Variants in NUSAP1 observed in about 807,000 individuals in gnomAD.
NUSAP1 encodes nucleolar and spindle associated protein 1.
In NUSAP1, 32 loss-of-function variants were observed where a neutral mutation model predicts 52.8. That is an observed-to-expected ratio of 0.61 (90% CI 0.46 to 0.81). The LOEUF (loss-of-function observed/expected upper bound fraction) is 0.81, where lower values mean the gene tolerates loss of function less well. NUSAP1 is among the 40% of genes least tolerant of loss of function. NUSAP1 has a pLI of 0.00. For missense variants in NUSAP1, 499 were observed against 522.3 expected, an observed-to-expected ratio of 0.96 and a Z score of 0.43; for synonymous variants, 195 against 183.1, an observed-to-expected ratio of 1.06 and a Z score of -0.52.
At chr15:41,354,662 T>C (rs946419054) in intron 4 of NUSAP1, among the ~76,000 whole-genome samples, 1 of 110,960 alleles carries the variant, frequency 9.0e-6, no homozygotes, top group Non-Finnish European at 1.7e-5. Flanking sequence ...AAAAAGTTTG[T>C]TTTAACCGAT....
chr15:41,347,798 A>C (rs2048631355), intron 2 of NUSAP1, among the ~76,000 whole-genome samples: 1 of 147,174 alleles, frequency 6.8e-6, no homozygotes, highest in African/African-American at 2.6e-5. Context: ...TGGGCAACAG[A>C]GTGAGACTCC....
chr15:41,355,486 T>G (rs545796642), intron 4 of NUSAP1, among the ~76,000 whole-genome samples: 6 of 151,410 alleles, frequency 4.0e-5, no homozygotes, highest in African/African-American at 1.5e-4. Flanking sequence ...CTTTCTAATA[T>G]GTTTATATAA....
rs766467589 is a variant in NUSAP1, at chr15:41,356,051, C to G, written c.461C>G (p.Ser154Ter). 19 of 1,597,878 alleles carry G rather than the reference C, an allele frequency of 1.2e-5. No homozygotes were observed. The highest frequency in any genetic ancestry group is 1.4e-5 in the Non-Finnish European group (16 of 1,168,570). The change falls in exon 5 of 11, where the codon TCA (serine) becomes TGA (stop). Residue 154 changes from serine (S) to a stop codon, truncating the protein, a stop_gained. Transcript: ENST00000559596. LOFTEE classifies it high-confidence loss of function. Reference sequence around the variant, plus strand: ...TCTTTGGATTTAGGTAACAGAGATTCAAAGGTACCTTCAGAAGGAAAGAAA... The same window carrying G: ...TCTTTGGATTTAGGTAACAGAGATTGAAAGGTACCTTCAGAAGGAAAGAAA... ...ENAVSSGNRD[S>*]KVPSEGKKSL...
intron 7 of NUSAP1, 91 bp downstream of exon 7, chr15:41,365,680 C>A: frequency 1.1e-6 from 1 of 878,138 alleles, no homozygotes; most frequent in Non-Finnish European, 1.7e-6. Flanking sequence ...AATATTCGTA[C>A]ATACTCATAG....
At chr15:41,347,818 A>AG (rs1400809064) in intron 2 of NUSAP1, among the ~76,000 whole-genome samples, 2 of 151,632 alleles carry the variant, frequency 1.3e-5, no homozygotes, top group Non-Finnish European at 2.9e-5. Flanking sequence ...CGTCTCAAAA[A>AG]AAAAAAAAAA....
chr15:41,369,869 C>T (rs1370687239), intron 7 of NUSAP1, among the ~76,000 whole-genome samples: 1 of 151,290 alleles, frequency 6.6e-6, no homozygotes, highest in African/African-American at 2.4e-5. Context: ...AGTTCAAGAC[C>T]AGCCTGGCCA....
At chr15:41,367,992 G>A (rs2049490942) in intron 7 of NUSAP1, among the ~76,000 whole-genome samples, 2 of 152,174 alleles carry the variant, frequency 1.3e-5, no homozygotes, top group South Asian at 2.1e-4. Flanking sequence ...GGAGGCTGAG[G>A]CAGGAGGATC....
chr15:41,350,912 A>C, intron 3 of NUSAP1, 76 bp from the exon 4 acceptor site: 1 of 1,282,246 alleles, frequency 7.8e-7, no homozygotes, highest in South Asian at 1.5e-5. Flanking sequence ...TTTCCCCCTC[A>C]CTTTGGTACT....
chr15:41,357,538 G>A (rs887879353), intron 5 of NUSAP1, among the ~76,000 whole-genome samples: 79 of 151,814 alleles, frequency 5.2e-4, no homozygotes, highest in Non-Finnish European at 9.7e-4. Flanking sequence ...CCACCTCCCG[G>A]GTTCAAGCGA....
intron 1 of NUSAP1, among the ~76,000 whole-genome samples, chr15:41,337,774 T>C (rs936839715): frequency 4.6e-5 from 7 of 152,162 alleles, no homozygotes; most frequent in African/African-American, 1.7e-4. Flanking sequence ...TGTCCTGCCT[T>C]ACTAGCACTT....
chr15:41,353,252 G>A (rs1337199017), intron 4 of NUSAP1, among the ~76,000 whole-genome samples: 1 of 152,120 alleles, frequency 6.6e-6, no homozygotes, highest in Non-Finnish European at 1.5e-5. Context: ...CCAGTCTCAA[G>A]CAATTCCACT....
chr15:41,375,357 G>A (rs186482718), intron 8 of NUSAP1, among the ~76,000 whole-genome samples: 36 of 152,118 alleles, frequency 2.4e-4, no homozygotes, highest in Admixed American at 1.9e-3. Flanking sequence ...TGTATTTTTA[G>A]TAGAGATGGG....
intron 8 of NUSAP1, among the ~76,000 whole-genome samples, chr15:41,375,174 A>AT (rs56152606): frequency 1.8e-3 from 233 of 127,808 alleles, no homozygotes; most frequent in African/African-American, 2.1e-3. Flanking sequence ...CGCCCAGCTA[A>AT]TTTTTTTTTT....
intron 8 of NUSAP1, among the ~76,000 whole-genome samples, chr15:41,372,038 G>T (rs1392569018): frequency 1.3e-5 from 2 of 152,122 alleles, no homozygotes; most frequent in African/African-American, 4.8e-5. Context: ...AAAGTGCTGG[G>T]ATTACAAGCG....
chr15:41,341,611 A>G (rs2048369791), intron 1 of NUSAP1, among the ~76,000 whole-genome samples: 1 of 152,024 alleles, frequency 6.6e-6, no homozygotes, highest in South Asian at 2.1e-4. Flanking sequence ...CCTCTTCCTC[A>G]ACTCTCATGT....
At position 41,337,578 on chromosome 15, in the gene NUSAP1, G is replaced by A. The variant is rs2048205418; in HGVS notation, c.93+4528G>A. On this transcript the variant is annotated intron_variant, in intron 1 of 10. Transcript: ENST00000559596. ...AGCCAAAATCCTCTCCTGATCCCAT[G>A]TCCTCATTCCATCTACTGCCCTATT... 3.3e-5 allele frequency among the ~76,000 whole-genome samples: 5 copies of A among 152,134 alleles called. No individual in the cohort carries two copies. The South Asian group carries it at 1.0e-3, about 32-fold the overall frequency.
At chr15:41,337,132 G>A (rs539617466) in intron 1 of NUSAP1, among the ~76,000 whole-genome samples, 34 of 144,222 alleles carry the variant, frequency 2.4e-4, no homozygotes, top group South Asian at 1.9e-3. Flanking sequence ...TCCTCCCACC[G>A]CAGCCCCCTG....
At chr15:41,368,342 A>G (rs1181836600) in intron 7 of NUSAP1, among the ~76,000 whole-genome samples, 1 of 152,158 alleles carries the variant, frequency 6.6e-6, no homozygotes, top group East Asian at 1.9e-4. Flanking sequence ...TTATTAATAT[A>G]TGACTGCCAA....
At chr15:41,377,559 C>T (rs532960852) in intron 10 of NUSAP1, among the ~76,000 whole-genome samples, 2,331 of 151,500 alleles carry the variant, frequency 0.015, 68 homozygotes, top group African/African-American at 0.054. Flanking sequence ...ATTAGCTGGG[C>T]ATGGTGGCGG....
Sources: allele counts gnomAD v4.1 joint callset (sites outside exome capture counted in the v4.1 genomes callset), GRCh38; gene constraint gnomAD v4.1.1; transcripts MANE v1.5; gene names NCBI Gene and HGNC (gene_info 2026-07-23, HGNC 2026-07-21).